ARMC9: variants seen among roughly 807,000 people sequenced by gnomAD.
ARMC9 encodes lisH domain-containing protein ARMC9.
ARMC9 carries 94 observed loss-of-function variants against 107.0 expected under a neutral mutation model. The observed-to-expected ratio is 0.88, with a 90% confidence interval of 0.74 to 1.04. ARMC9 has a LOEUF of 1.04. ARMC9 is among the 50% of genes least tolerant of loss of function. The probability of loss-of-function intolerance (pLI) is 0.00; values close to 1 mark genes in which losing one functional copy is unlikely to be tolerated. For synonymous variants in ARMC9, 380 were observed against 396.9 expected (o/e 0.96, Z 0.51); for missense variants, 942 against 1,030.1 (o/e 0.91, Z 1.17).
intron 19 of ARMC9, among the ~76,000 whole-genome samples, chr2:231,318,766 C>T (rs1486412670): frequency 2.0e-5 from 3 of 152,226 alleles, no homozygotes; most frequent in East Asian, 3.8e-4. Context: ...TCACATTTTG[C>T]ACTTGATAAC....
At chr2:231,288,879 A>G (rs116013005) in intron 17 of ARMC9, among the ~76,000 whole-genome samples, 1,708 of 152,340 alleles carry the variant, frequency 0.011, 28 homozygotes, top group African/African-American at 0.039. Context: ...TTAACACTAT[A>G]TATACAAACA....
chr2:231,326,906 C>T (rs549420944), intron 19 of ARMC9, among the ~76,000 whole-genome samples: 71 of 152,244 alleles, frequency 4.7e-4, no homozygotes, highest in Non-Finnish European at 7.9e-4. Context: ...GTTGGGTGGG[C>T]CAGGAGTCAA....
intron 17 of ARMC9, among the ~76,000 whole-genome samples, chr2:231,288,152 C>G (rs895080961): frequency 1.3e-5 from 2 of 152,080 alleles, no homozygotes; most frequent in Non-Finnish European, 2.9e-5. Flanking sequence ...GTGCAGTAAG[C>G]ATTGAGATGT....
chr2:231,361,102 G>A (rs971051735), intron 23 of ARMC9, among the ~76,000 whole-genome samples: 4 of 152,210 alleles, frequency 2.6e-5, no homozygotes, highest in East Asian at 1.9e-4. Flanking sequence ...TCAGTCAGAC[G>A]GGAAGGACAC....
At chr2:231,223,139 C>T (rs1403049858) in intron 6 of ARMC9, among the ~76,000 whole-genome samples, 1 of 152,206 alleles carries the variant, frequency 6.6e-6, no homozygotes. Context: ...CAGAATGTCA[C>T]TTAACCACTT....
intron 11 of ARMC9, among the ~76,000 whole-genome samples, chr2:231,261,824 G>T (rs1385709796): frequency 1.3e-5 from 2 of 150,068 alleles, no homozygotes; most frequent in Non-Finnish European, 3.0e-5. Context: ...GACATCACAG[G>T]TTCTTTTTTT....
At chr2:231,291,228 C>A (rs775861197) in intron 17 of ARMC9, 125 bp from the exon 18 acceptor site, 16 of 705,930 alleles carry the variant, frequency 2.3e-5, no homozygotes, top group Non-Finnish European at 3.7e-5. Flanking sequence ...CTCTGTCCCC[C>A]ACCCAAGGTA....
At position 231,256,595 on chromosome 2, in the gene ARMC9, A is replaced by G. The variant is rs1205271175; in HGVS notation, c.889A>G (p.Met297Val). 5 of 1,613,898 alleles carry G rather than the reference A, an allele frequency of 3.1e-6. No individual in the cohort carries two copies. The Admixed American group carries it at 6.7e-5, about 22-fold the overall frequency. ...GTCCTCTTCCCCCCAGGCATCCACC[A>G]TGTTACGAGCCTCCTTGGCACCCGT... ...DFTRPGTAST[M>V]LRASLAPVKL... The change falls in exon 10 of 25, where the codon ATG (methionine) becomes GTG (valine). Residue 297 changes from methionine (M) to valine (V), a missense_variant. By Grantham distance (21) the Met-to-Val change is conservative. Coordinates refer to ENST00000611582, the MANE Select transcript of ARMC9 (RefSeq NM_001352754.2).
chr2:231,235,034 G>A (rs1046046303), intron 7 of ARMC9, among the ~76,000 whole-genome samples, 190 bp from the exon 8 acceptor site: 1 of 152,268 alleles, frequency 6.6e-6, no homozygotes, highest in African/African-American at 2.4e-5. Context: ...TTTTAAGTCA[G>A]TGTGGTTACA....
intron 6 of ARMC9, among the ~76,000 whole-genome samples, chr2:231,223,107 C>A (rs2034310796): frequency 6.6e-6 from 1 of 152,132 alleles, no homozygotes; most frequent in Non-Finnish European, 1.5e-5. Flanking sequence ...TAAAAGAATT[C>A]CTTGGGATAA....
chr2:231,233,509 G>A (rs1055325733), intron 7 of ARMC9, among the ~76,000 whole-genome samples: 1 of 152,108 alleles, frequency 6.6e-6, no homozygotes, highest in Non-Finnish European at 1.5e-5. Flanking sequence ...GGGTGCGGTG[G>A]CTCACACCTG....
intron 4 of ARMC9, among the ~76,000 whole-genome samples, chr2:231,215,459 A>T (rs947809112): frequency 2.0e-5 from 3 of 152,184 alleles, no homozygotes; most frequent in Non-Finnish European, 4.4e-5. Flanking sequence ...AAGTGCTGGG[A>T]TTACAGGCGT....
At chr2:231,245,535 A>G (rs2036680390) in intron 9 of ARMC9, among the ~76,000 whole-genome samples, 1 of 152,176 alleles carries the variant, frequency 6.6e-6, no homozygotes, top group Admixed American at 6.5e-5. Context: ...ATACCATTTT[A>G]TCTGTAAATG....
At chr2:231,202,622 T>C (rs1385771227) in intron 1 of ARMC9, among the ~76,000 whole-genome samples, 2 of 152,164 alleles carry the variant, frequency 1.3e-5, no homozygotes, top group African/African-American at 4.8e-5. Context: ...GCACCCAGCC[T>C]GTTTCACTTC....
At chr2:231,370,587 G>C (rs57751252) in intron 24 of ARMC9, 2,441 of 160,396 alleles carry the variant, frequency 0.015, 48 homozygotes, top group African/African-American at 0.041. Flanking sequence ...AGGTCAAACA[G>C]AAGCGGGTGT....
At chr2:231,357,054 T>TA (rs1168874943) in intron 22 of ARMC9, among the ~76,000 whole-genome samples, 2 of 152,172 alleles carry the variant, frequency 1.3e-5, no homozygotes, top group African/African-American at 2.4e-5. Context: ...GTCATGCTGT[T>TA]ACCTGCAGGG....
intron 12 of ARMC9, among the ~76,000 whole-genome samples, chr2:231,264,625 G>C (rs1361806226): frequency 6.6e-6 from 1 of 152,110 alleles, no homozygotes; most frequent in Non-Finnish European, 1.5e-5. Context: ...AGCCTCCCAA[G>C]TAGCTGGGAT....
intron 12 of ARMC9, among the ~76,000 whole-genome samples, chr2:231,267,770 T>G (rs113191117): frequency 1.4e-4 from 22 of 152,204 alleles, no homozygotes; most frequent in African/African-American, 5.1e-4. Context: ...CCAGTCATTT[T>G]GTGCTCTGTT....
At chr2:231,363,644 T>C (rs966141599) in intron 23 of ARMC9, among the ~76,000 whole-genome samples, 1 of 152,130 alleles carries the variant, frequency 6.6e-6, no homozygotes, top group Non-Finnish European at 1.5e-5. Flanking sequence ...CCCAGCACTT[T>C]GGGAGGCCAA....
Sources: allele counts gnomAD v4.1 joint callset (sites outside exome capture counted in the v4.1 genomes callset), GRCh38; gene constraint gnomAD v4.1.1; transcripts MANE v1.5; gene names NCBI Gene and HGNC (gene_info 2026-07-23, HGNC 2026-07-21).